The following IMMP2L variants were observed in gnomAD, a reference collection of about 807,000 sequenced individuals.
IMMP2L encodes mitochondrial inner membrane protease subunit 2.
IMMP2L carries 18 observed loss-of-function variants against 19.3 expected under a neutral mutation model. The observed-to-expected ratio is 0.93, with a 90% CI of 0.64 to 1.38. The LOEUF (loss-of-function observed/expected upper bound fraction) is 1.38, where lower values mean the gene tolerates loss of function less well. Ranked by LOEUF, IMMP2L falls within the 40% of genes most tolerant of loss-of-function variation. The probability of loss-of-function intolerance (pLI) is 0.00; values close to 1 mark genes in which losing one functional copy is unlikely to be tolerated. For missense variants in IMMP2L, 233 were observed against 218.2 expected (o/e 1.07, Z -0.43); for synonymous variants, 76 against 73.0 (o/e 1.04, Z -0.21).
chr7:111,044,505 G>A (rs1735315695), intron 3 of IMMP2L, among the ~76,000 whole-genome samples: 1 of 152,200 alleles, frequency 6.6e-6, no homozygotes, highest in Non-Finnish European at 1.5e-5. Flanking sequence ...AGATTGCAGT[G>A]AGCCGAGATT....
chr7:111,016,743 T>C (rs1825643019), intron 3 of IMMP2L, among the ~76,000 whole-genome samples: 1 of 97,620 alleles, frequency 1.0e-5, no homozygotes, highest in Non-Finnish European at 1.8e-5. Context: ...ATATATATTA[T>C]ATATATTATA....
chr7:110,671,091 C>T (rs934038977), intron 5 of IMMP2L, among the ~76,000 whole-genome samples: 1 of 152,184 alleles, frequency 6.6e-6, no homozygotes, highest in African/African-American at 2.4e-5. Context: ...ATTGCATTTT[C>T]AGTATCTATT....
intron 3 of IMMP2L, among the ~76,000 whole-genome samples, chr7:111,066,932 T>C (rs1288189320): frequency 6.6e-6 from 1 of 152,208 alleles, no homozygotes; most frequent in Non-Finnish European, 1.5e-5. Flanking sequence ...TCTATGATTG[T>C]ATATGGAGCC....
At chr7:111,507,534 T>TA (rs1374606123) in intron 2 of IMMP2L, among the ~76,000 whole-genome samples, 1 of 152,160 alleles carries the variant, frequency 6.6e-6, no homozygotes, top group Non-Finnish European at 1.5e-5. Context: ...CTTTCTGTTT[T>TA]CTATTAACAG....
intron 3 of IMMP2L, among the ~76,000 whole-genome samples, chr7:111,310,705 A>G (rs1425519787): frequency 6.6e-6 from 1 of 152,150 alleles, no homozygotes; most frequent in Non-Finnish European, 1.5e-5. Context: ...CCCTGACAGT[A>G]AAGTATACTG....
chr7:110,958,133 A>G (rs1818554558), intron 4 of IMMP2L, among the ~76,000 whole-genome samples: 1 of 152,016 alleles, frequency 6.6e-6, no homozygotes, highest in African/African-American at 2.4e-5. Context: ...TACCCTGTAA[A>G]TCTAAAGTCC....
At position 111,556,082 on chromosome 7, in the gene IMMP2L, G is replaced by A. The variant is rs184136878; in HGVS notation, c.-3+5769C>T. ...CCGCAACCTTGTAAAGATATCAGTC[G>A]GAATTTTTAAAAGCTCTCTAGGGGA... is the stretch of plus-strand genomic sequence containing the variant. On this transcript the variant is annotated intron_variant, in intron 1 of 5. Coordinates refer to ENST00000405709, the MANE Select transcript of IMMP2L (RefSeq NM_032549.4). Among the ~76,000 whole-genome samples the A allele has an allele frequency of 6.9e-3, 904 of 130,356 alleles. 5 individuals are homozygous for A. The highest frequency in any genetic ancestry group is 0.011 in the Non-Finnish European group (710 of 62,054). 85.5% of individuals were successfully genotyped at this position (130,356 alleles called of 152,430 possible). A position where few individuals can be genotyped will look rare whatever the true frequency, so the allele number is the denominator to read the frequency against.
At chr7:111,356,886 G>A (rs1406604006) in intron 3 of IMMP2L, among the ~76,000 whole-genome samples, 1 of 152,036 alleles carries the variant, frequency 6.6e-6, no homozygotes, top group African/African-American at 2.4e-5. Flanking sequence ...AATTAGCCAG[G>A]CGTTGTGGTG....
At chr7:111,497,635 A>T (rs1403736759) in intron 2 of IMMP2L, among the ~76,000 whole-genome samples, 1 of 152,092 alleles carries the variant, frequency 6.6e-6, no homozygotes, top group Admixed American at 6.5e-5. Context: ...AATAAAGTAA[A>T]GAAGGAAATT....
At chr7:110,950,683 A>G (rs1817699284) in intron 4 of IMMP2L, among the ~76,000 whole-genome samples, 1 of 151,482 alleles carries the variant, frequency 6.6e-6, no homozygotes, top group Non-Finnish European at 1.5e-5. Context: ...CTTACTGACA[A>G]TGAGGGGTAG....
chr7:111,501,164 T>C lies in IMMP2L; in HGVS notation c.136-13823A>G, dbSNP rs1290351828. Among the ~76,000 whole-genome samples the C allele has an allele frequency of 6.6e-5, 10 of 152,110 alleles. No individual in the cohort carries two copies. In the East Asian group the frequency reaches 1.9e-3, roughly 29 times the overall value. On this transcript the variant is annotated intron_variant, in intron 2 of 5. Coordinates refer to ENST00000405709, the MANE Select transcript of IMMP2L (RefSeq NM_032549.4). ...GAGCTGAAAGCCAAGGCTCGAGAACTACGTGAAGAATGCAGAAGCCTCAGG... is the reference window on the plus strand; with the variant it reads ...GAGCTGAAAGCCAAGGCTCGAGAACCACGTGAAGAATGCAGAAGCCTCAGG...
rs138576732 is a variant in IMMP2L at position 110,792,887 on chromosome 7, T to C, written c.408+93706A>G. The stretch of plus-strand genomic sequence containing the variant: ...AGCCCCTGGCAACCATACAATGAAA[T>C]CTTATTCAGCCTTAAAAAAGAATGT... On this transcript the variant is annotated intron_variant, in intron 5 of 5. Coordinates refer to ENST00000405709, the MANE Select transcript of IMMP2L (RefSeq NM_032549.4). Among the ~76,000 whole-genome samples the C allele has an allele frequency of 5.7e-4, 86 of 152,016 alleles. 1 individual carries two copies. The highest frequency in any genetic ancestry group is 6.8e-3 in the Middle Eastern group (2 of 294).
intron 3 of IMMP2L, among the ~76,000 whole-genome samples, chr7:111,002,910 G>A (rs1168677369): frequency 6.6e-6 from 1 of 152,114 alleles, no homozygotes; most frequent in Non-Finnish European, 1.5e-5. Flanking sequence ...TGAAAACCTT[G>A]GGGAATGTGG....
In IMMP2L at chr7:110,777,921, T is replaced by A. The variant is rs796982697; in HGVS notation, c.408+108672A>T. Among the ~76,000 whole-genome samples the A allele has an allele frequency of 3.9e-5, 6 of 152,132 alleles. No homozygotes were observed. The East Asian group carries it at 9.7e-4, about 25-fold the overall frequency. ...TGTTTTTCATTTATTGTTCTGTTAG[T>A]CTAAAAAGGGAAACCTAACATTTTC... On this transcript the variant is annotated intron_variant, in intron 5 of 5. Coordinates refer to ENST00000405709, the MANE Select transcript of IMMP2L (RefSeq NM_032549.4).
intron 3 of IMMP2L, among the ~76,000 whole-genome samples, chr7:111,026,457 C>T (rs946590548): frequency 6.6e-6 from 1 of 151,958 alleles, no homozygotes; most frequent in Non-Finnish European, 1.5e-5. Flanking sequence ...CCCTCAAATG[C>T]CATTATGAGT....
chr7:111,451,964 C>A (rs1052436607), intron 3 of IMMP2L, among the ~76,000 whole-genome samples: 1 of 152,100 alleles, frequency 6.6e-6, no homozygotes, highest in Non-Finnish European at 1.5e-5. Flanking sequence ...CCTTTCCACA[C>A]AGACTTGAAA....
chr7:110,903,431 C>T (rs1812118355), intron 4 of IMMP2L, among the ~76,000 whole-genome samples: 1 of 152,160 alleles, frequency 6.6e-6, no homozygotes, highest in Admixed American at 6.5e-5. Flanking sequence ...CTGTAAACTC[C>T]TGGCAACCAC....
At chr7:111,373,010 G>A (rs1385699382) in intron 3 of IMMP2L, among the ~76,000 whole-genome samples, 1 of 151,632 alleles carries the variant, frequency 6.6e-6, no homozygotes, top group African/African-American at 2.4e-5. Context: ...ATTATCCAAA[G>A]TTTTAATTAC....
intron 5 of IMMP2L, among the ~76,000 whole-genome samples, chr7:110,777,762 G>A (rs1799491124): frequency 6.6e-6 from 1 of 151,906 alleles, no homozygotes; most frequent in Non-Finnish European, 1.5e-5. Context: ...ACAGTTACAA[G>A]GGAGAAAATC....
Sources: gnomAD v4.1 joint callset for allele counts (sites outside exome capture counted in the v4.1 genomes callset) on GRCh38, gnomAD v4.1.1 for gene constraint, MANE v1.5 for transcripts, NCBI Gene and HGNC (gene_info 2026-07-23, HGNC 2026-07-21) for gene names.